SLC44A5: variants seen among roughly 807,000 people sequenced by gnomAD.
SLC44A5 encodes solute carrier family 44 member 5.
A neutral mutation model predicts 101.8 loss-of-function variants in SLC44A5; 57 were observed. The observed-to-expected ratio is 0.56, with a 90% CI of 0.45 to 0.70. The LOEUF is 0.70. SLC44A5 is among the 30% of genes least tolerant of loss of function. The probability of loss-of-function intolerance (pLI) is 0.00; values close to 1 mark genes in which losing one functional copy is unlikely to be tolerated. For missense variants in SLC44A5, 737 were observed against 853.1 expected (o/e 0.86, Z 1.70); for synonymous variants, 281 against 290.9 (o/e 0.97, Z 0.35).
rs148065664 is a variant in SLC44A5, at chr1:75,464,036, C to T, written c.14-67415G>A. ...AGGAAATCAAGATCATCCTGGCTAA[C>T]ATGGTGAAATCCCATCTCTACTAAA... On this transcript the variant is annotated intron_variant, in intron 2 of 23. Transcript: ENST00000370859. 4.3e-4 allele frequency among the ~76,000 whole-genome samples: 66 copies of T among 152,010 alleles called. 2 individuals are homozygous for T. In the East Asian group the frequency reaches 0.011, roughly 26 times the overall value.
chr1:75,384,916 C>G (rs1661194229), intron 3 of SLC44A5, among the ~76,000 whole-genome samples: 1 of 151,058 alleles, frequency 6.6e-6, no homozygotes. Context: ...CTCAAAACCA[C>G]TCAACTACAT....
At chr1:75,522,367 A>T (rs1238113215) in intron 2 of SLC44A5, 1 of 151,852 alleles carries the variant, frequency 6.6e-6, no homozygotes, top group Non-Finnish European at 1.5e-5. Context: ...TAAAAAAAAA[A>T]AAAGAATAAG....
At chr1:75,604,062 G>C (rs1675174803) in intron 1 of SLC44A5, among the ~76,000 whole-genome samples, 1 of 151,976 alleles carries the variant, frequency 6.6e-6, no homozygotes, top group African/African-American at 2.4e-5. Context: ...CATTGCTTTT[G>C]AGGACTTAGT....
At chr1:75,524,394 G>T (rs1316077202) in intron 2 of SLC44A5, among the ~76,000 whole-genome samples, 1 of 152,042 alleles carries the variant, frequency 6.6e-6, no homozygotes, top group Admixed American at 6.6e-5. Context: ...GTGTGAGAAT[G>T]AACTAATACA....
intron 1 of SLC44A5, among the ~76,000 whole-genome samples, chr1:75,592,476 C>T (rs2102114774): frequency 6.6e-6 from 1 of 152,166 alleles, no homozygotes; most frequent in Non-Finnish European, 1.5e-5. Flanking sequence ...ACATTCTTCA[C>T]ATAAATAGAA....
Position 75,218,662 on chromosome 1 carries a change from T to C in SLC44A5, c.1357A>G (p.Ile453Val). The C allele has an allele frequency of 6.2e-7, 1 of 1,613,832 alleles. No individual in the cohort carries two copies. Among genetic ancestry groups the C allele is most frequent in the Non-Finnish European group, 8.5e-7 (1 of 1,179,774 alleles). Reference sequence around the variant, plus strand: ...AAGTTGTATACATGGAAGGTAGGGATGTACTGATGGTACAAGCTCTTTCCA... The same window carrying C: ...AAGTTGTATACATGGAAGGTAGGGACGTACTGATGGTACAAGCTCTTTCCA... ...YGGKSLYHQY[I>V]PTFHVYNLFV... The change falls in exon 17 of 24, where the codon ATC becomes GTC. Residue 453 changes from isoleucine to valine, a missense_variant. Physicochemically the swap from Ile to Val is conservative, Grantham distance 29. Coordinates refer to ENST00000370859, the MANE Select transcript of SLC44A5 (RefSeq NM_001130058.2).
the SLC44A5 span, among the ~76,000 whole-genome samples, chr1:75,657,052 G>A: frequency 2.6e-5 from 4 of 152,168 alleles, no homozygotes; most frequent in African/African-American, 7.2e-5. Flanking sequence ...TGTAGGCTGA[G>A]GTGGAAGGAT....
Position 75,219,811 on chromosome 1 carries a change from G to C in SLC44A5, c.1167C>G (p.Val389=). 6.2e-7 allele frequency: 1 copy of C among 1,611,330 alleles called. No homozygotes were observed. The highest frequency in any genetic ancestry group is 8.5e-7 in the Non-Finnish European group (1 of 1,178,090). ...ILLSICICYW[V]VTAVFLATSG... The stretch of plus-strand genomic sequence containing the variant: ...TTACCAAAGGATACACTGCTGTCAC[G>C]ACCCAGTAGCAAATGCAGATTGAGA... Residue 389 remains valine (V), a synonymous_variant, in exon 15 of 24, where the codon GTC becomes GTG. Coordinates refer to ENST00000370859, the MANE Select transcript of SLC44A5 (RefSeq NM_001130058.2).
intron 2 of SLC44A5, among the ~76,000 whole-genome samples, chr1:75,499,424 C>T (rs1017728251): frequency 6.6e-6 from 1 of 152,216 alleles, no homozygotes; most frequent in Non-Finnish European, 1.5e-5. Flanking sequence ...GGCAGTAATG[C>T]CTGCTTGCCT....
chr1:75,652,926 C>T, the SLC44A5 span, among the ~76,000 whole-genome samples: 21 of 152,340 alleles, frequency 1.4e-4, no homozygotes, highest in Admixed American at 5.2e-4. Flanking sequence ...TTCCCCTGGA[C>T]AATTCTGATA....
At chr1:75,419,133 T>C (rs1663841506) in intron 2 of SLC44A5, among the ~76,000 whole-genome samples, 1 of 152,062 alleles carries the variant, frequency 6.6e-6, no homozygotes, top group Non-Finnish European at 1.5e-5. Flanking sequence ...TCTAATGCTA[T>C]TAAGTGATCA....
the SLC44A5 span, chr1:75,710,217 G>A: frequency 6.6e-6 from 1 of 152,050 alleles, no homozygotes; most frequent in Non-Finnish European, 1.5e-5. Context: ...TGTTCAAGTT[G>A]TACAATTTAA....
rs77085701 is a variant in SLC44A5, at chr1:75,509,784, G to A, written c.13+31651C>T. 9.6e-3 allele frequency among the ~76,000 whole-genome samples: 1,464 copies of A among 152,248 alleles called. 27 individuals are homozygous for A. The highest frequency in any genetic ancestry group is 0.033 in the African/African-American group (1,367 of 41,520). ...TAAGACCCACAGTCTAGTGAATGAC[G>A]CAGATTATAGGGCTTACAATTAAAG... On this transcript the variant is annotated intron_variant, in intron 2 of 23. Coordinates refer to ENST00000370859, the MANE Select transcript of SLC44A5 (RefSeq NM_001130058.2).
intron 1 of SLC44A5, among the ~76,000 whole-genome samples, chr1:75,594,065 T>C (rs1674504690): frequency 6.6e-6 from 1 of 152,022 alleles, no homozygotes; most frequent in African/African-American, 2.4e-5. Context: ...ATGTGCTTAT[T>C]TCACATTGCA....
At chr1:75,384,261 C>A (rs1332016343) in intron 3 of SLC44A5, among the ~76,000 whole-genome samples, 1 of 152,118 alleles carries the variant, frequency 6.6e-6, no homozygotes, top group Non-Finnish European at 1.5e-5. Context: ...CACAGACTGG[C>A]AAATTGGATA....
intron 2 of SLC44A5, among the ~76,000 whole-genome samples, chr1:75,423,714 C>CT (rs1451231333): frequency 2.6e-5 from 4 of 152,236 alleles, no homozygotes; most frequent in Non-Finnish European, 5.9e-5. Context: ...TATCTGTTTA[C>CT]TAGCTGTCAA....
At chr1:75,442,863 T>C (rs1317900178) in intron 2 of SLC44A5, among the ~76,000 whole-genome samples, 2 of 152,186 alleles carry the variant, frequency 1.3e-5, no homozygotes, top group Non-Finnish European at 2.9e-5. Context: ...TGCAATACTG[T>C]TCATTTAGAA....
At chr1:75,361,974 A>G (rs1659517237) in intron 3 of SLC44A5, among the ~76,000 whole-genome samples, 1 of 152,082 alleles carries the variant, frequency 6.6e-6, no homozygotes, top group East Asian at 1.9e-4. Flanking sequence ...TTTGTTACTG[A>G]TTAAATCTCC....
chr1:75,278,345 G>C (rs1014783408), intron 5 of SLC44A5, among the ~76,000 whole-genome samples: 1 of 151,814 alleles, frequency 6.6e-6, no homozygotes, highest in Non-Finnish European at 1.5e-5. Context: ...TATTTCTCCT[G>C]GACAGATCTG....
Sources: allele counts gnomAD v4.1 joint callset (sites outside exome capture counted in the v4.1 genomes callset), GRCh38; gene constraint gnomAD v4.1.1; transcripts MANE v1.5; gene names NCBI Gene and HGNC (gene_info 2026-07-23, HGNC 2026-07-21).